Variants in ACVR1 observed in about 807,000 individuals in gnomAD.
ACVR1 encodes the protein activin A receptor type 1.
ACVR1 carries 38 observed loss-of-function variants against 57.1 expected under a neutral mutation model. The ratio of observed to expected loss-of-function variants is 0.67; its 90% CI spans 0.51 to 0.87. ACVR1 has a LOEUF of 0.87. ACVR1 is among the 40% of genes least tolerant of loss of function. ACVR1 has a pLI of 0.00. For missense variants in ACVR1, 463 were observed against 638.2 expected (o/e 0.73, Z 2.96); for synonymous variants, 212 against 228.1 (o/e 0.93, Z 0.63).
At chr2:157,791,135 C>T (rs970004695) in intron 3 of ACVR1, among the ~76,000 whole-genome samples, 1 of 152,238 alleles carries the variant, frequency 6.6e-6, no homozygotes, top group Non-Finnish European at 1.5e-5. Flanking sequence ...CCTTTCCTGT[C>T]CATACGCCTC....
chr2:157,792,837 G>A (rs1686970707), intron 3 of ACVR1, among the ~76,000 whole-genome samples: 2 of 152,156 alleles, frequency 1.3e-5, no homozygotes, highest in African/African-American at 4.8e-5. Flanking sequence ...ACTCCAAAAT[G>A]TTTCTTGCTG....
chr2:157,840,756 G>A (rs1014253724), intron 1 of ACVR1, among the ~76,000 whole-genome samples: 2 of 152,256 alleles, frequency 1.3e-5, no homozygotes, highest in East Asian at 1.9e-4. Flanking sequence ...CCTGCTCTCC[G>A]GCTGGGTTCA....
At position 157,800,834 on chromosome 2, in the gene ACVR1, C is replaced by T. The variant is rs186235046; in HGVS notation, c.-7-1334G>A. ...GTGACTCCTCCAACACATCTCTGTACCTTTGGACATGAATATGCTTTTTGT... is the reference window on the plus strand; with the variant it reads ...GTGACTCCTCCAACACATCTCTGTATCTTTGGACATGAATATGCTTTTTGT... On this transcript the variant is annotated intron_variant, in intron 2 of 10. Transcript: ENST00000434821. Among the ~76,000 whole-genome samples, 4 of 152,192 alleles carry T rather than the reference C, an allele frequency of 2.6e-5. No individual in the cohort carries two copies. In the East Asian group the frequency reaches 7.7e-4, roughly 29 times the overall value.
chr2:157,747,363 T>C (rs1347789834), intron 9 of ACVR1, among the ~76,000 whole-genome samples: 1 of 152,158 alleles, frequency 6.6e-6, no homozygotes. Context: ...AAGAATCATT[T>C]CCCTGAACGA....
intron 1 of ACVR1, among the ~76,000 whole-genome samples, chr2:157,866,315 T>A (rs1278282690): frequency 6.6e-6 from 1 of 152,072 alleles, no homozygotes; most frequent in South Asian, 2.1e-4. Context: ...GCTTAGAATG[T>A]CCTAAAACAA....
chr2:157,765,424 G>C (rs570880996), intron 8 of ACVR1, among the ~76,000 whole-genome samples: 1 of 152,266 alleles, frequency 6.6e-6, no homozygotes, highest in Non-Finnish European at 1.5e-5. Context: ...TTCTGAGGTG[G>C]GGTGTGGCAG....
chr2:157,862,340 T>C (rs1287475965), intron 1 of ACVR1, among the ~76,000 whole-genome samples: 1 of 152,190 alleles, frequency 6.6e-6, no homozygotes, highest in East Asian at 1.9e-4. Flanking sequence ...GTACTCTCTA[T>C]AGTCATTCAT....
At chr2:157,791,709 C>A (rs1427085317) in intron 3 of ACVR1, among the ~76,000 whole-genome samples, 1 of 152,174 alleles carries the variant, frequency 6.6e-6, no homozygotes, top group African/African-American at 2.4e-5. Context: ...GGCCTTGTCT[C>A]TTTCCTGAGA....
At chr2:157,766,937 T>C (rs1685883951) in intron 7 of ACVR1, among the ~76,000 whole-genome samples, 1 of 152,194 alleles carries the variant, frequency 6.6e-6, no homozygotes, top group Admixed American at 6.5e-5. Context: ...GGTGTTACAA[T>C]AGGCTTCCAT....
chr2:157,776,627 G>A (rs1346352457), intron 5 of ACVR1, among the ~76,000 whole-genome samples: 1 of 152,222 alleles, frequency 6.6e-6, no homozygotes, highest in Admixed American at 6.5e-5. Context: ...AGTGATGGAT[G>A]GGGCAGGCAG....
intron 1 of ACVR1, among the ~76,000 whole-genome samples, chr2:157,846,099 T>G (rs928678971): frequency 6.6e-6 from 1 of 152,194 alleles, no homozygotes; most frequent in Non-Finnish European, 1.5e-5. Flanking sequence ...GAGGCGATTA[T>G]CCTGGATTAT....
intron 1 of ACVR1, among the ~76,000 whole-genome samples, chr2:157,850,680 G>A (rs184695060): frequency 6.6e-6 from 1 of 152,320 alleles, no homozygotes; most frequent in South Asian, 2.1e-4. Context: ...TACTTGGACA[G>A]GGGCAGTGCC....
chr2:157,820,770 C>T (rs991123741), intron 1 of ACVR1, among the ~76,000 whole-genome samples: 1 of 152,052 alleles, frequency 6.6e-6, no homozygotes, highest in Non-Finnish European at 1.5e-5. Flanking sequence ...TTCTATATGA[C>T]GAACAACCTA....
At chr2:157,860,406 C>T (rs556908634) in intron 1 of ACVR1, among the ~76,000 whole-genome samples, 63 of 152,166 alleles carry the variant, frequency 4.1e-4, no homozygotes, top group Non-Finnish European at 6.0e-4. Context: ...CAGAATGCTA[C>T]CCACCACCCC....
intron 1 of ACVR1, chr2:157,874,845 G>A (rs921233127): frequency 6.6e-6 from 1 of 152,110 alleles, no homozygotes; most frequent in Non-Finnish European, 1.5e-5. Context: ...CAATAAAATT[G>A]ACAAGTCCAT....
chr2:157,809,538 G>A (rs1687676175), intron 2 of ACVR1, among the ~76,000 whole-genome samples: 1 of 152,092 alleles, frequency 6.6e-6, no homozygotes, highest in Non-Finnish European at 1.5e-5. Flanking sequence ...AGGGAGAGGA[G>A]GCAGGGAGAG....
At chr2:157,749,801 A>G (rs941301218) in intron 9 of ACVR1, among the ~76,000 whole-genome samples, 2 of 152,194 alleles carry the variant, frequency 1.3e-5, no homozygotes, top group Non-Finnish European at 2.9e-5. Context: ...AAGAGTCACC[A>G]CTTGCAGTGC....
chr2:157,807,803 C>T (rs376865990), intron 2 of ACVR1, among the ~76,000 whole-genome samples: 1 of 129,922 alleles, frequency 7.7e-6, no homozygotes, highest in African/African-American at 3.0e-5. Context: ...CACTGCTCAT[C>T]TGACACAGCT....
rs892149210 is a variant in ACVR1 at position 157,789,581 on chromosome 2, C to G, written c.68-8981G>C. Reference sequence around the variant, plus strand: ...AAGCATTTCCTTCCAGAGCCTGCTTCCATCCACACTGGCCACCAAGTCTGT... The same window carrying G: ...AAGCATTTCCTTCCAGAGCCTGCTTGCATCCACACTGGCCACCAAGTCTGT... On this transcript the variant is annotated intron_variant, in intron 3 of 10. Transcript: ENST00000434821. Among the ~76,000 whole-genome samples the G allele has an allele frequency of 6.6e-5, 10 of 152,322 alleles. 1 individual carries two copies. Among genetic ancestry groups the G allele is most frequent in the African/African-American group, 2.4e-4 (10 of 41,572 alleles).
Sources: allele counts gnomAD v4.1 joint callset (sites outside exome capture counted in the v4.1 genomes callset), GRCh38; gene constraint gnomAD v4.1.1; transcripts MANE v1.5; gene names NCBI Gene and HGNC (gene_info 2026-07-23, HGNC 2026-07-21).